The following SGK1 variants were observed in gnomAD, a reference collection of about 807,000 sequenced individuals.
The protein encoded by SGK1 is serine/threonine-protein kinase Sgk1.
A neutral mutation model predicts 64.2 loss-of-function variants in SGK1; 26 were observed. The observed-to-expected ratio is 0.40, with a 90% CI of 0.30 to 0.56. SGK1 has a LOEUF of 0.56. Ranked by LOEUF, SGK1 falls within the 20% of genes least tolerant of loss-of-function variation. The pLI is 0.38. For synonymous variants in SGK1, 265 were observed against 239.7 expected (o/e 1.11, Z -0.98); for missense variants, 519 against 645.6 (o/e 0.80, Z 2.12).
chr6:134,305,132 TG>T (rs1374786105), intron 1 of SGK1, among the ~76,000 whole-genome samples: 2 of 151,832 alleles, frequency 1.3e-5, no homozygotes, highest in Non-Finnish European at 2.9e-5. Flanking sequence ...CCAAGACGGG[TG>T]GCTCACCTGA....
chr6:134,281,522 T>TC, intron 1 of SGK1, among the ~76,000 whole-genome samples: 1 of 150,776 alleles, frequency 6.6e-6, no homozygotes, highest in Non-Finnish European at 1.5e-5. Flanking sequence ...ATTTGTTCTT[T>TC]TTTTTTTTTT....
chr6:134,316,375 A>G (rs1233814422), intron 1 of SGK1, among the ~76,000 whole-genome samples: 2 of 152,164 alleles, frequency 1.3e-5, no homozygotes, highest in Non-Finnish European at 2.9e-5. Flanking sequence ...GGAGAGAACC[A>G]TTTTGGTGGA....
chr6:134,170,207 A>AG lies in SGK1; in HGVS notation c.*60dup. 2 of 1,449,536 alleles carry AG rather than the reference A, an allele frequency of 1.4e-6. No individual in the cohort carries two copies. The highest frequency in any genetic ancestry group is 1.9e-6 in the Non-Finnish European group (2 of 1,062,068). 89.8% of individuals were successfully genotyped at this position (1,449,536 alleles called of 1,614,324 possible). On this transcript the variant is annotated 3_prime_UTR_variant, in exon 14 of 14. Transcript: ENST00000367858. ...CCTGTCAGCTGGCGGCTCCACCAAA[A>AG]GGCTAACTAAAACATTCGGAAACAC...
intron 2 of SGK1, among the ~76,000 whole-genome samples, chr6:134,249,075 C>T (rs559554829): frequency 4.4e-4 from 67 of 152,256 alleles, no homozygotes; most frequent in African/African-American, 1.5e-3. Flanking sequence ...CTGGAATCCT[C>T]GTCTTTTTTG....
Position 134,207,174 on chromosome 6 carries a change from T to C in SGK1, c.361+182A>G, listed in dbSNP as rs756375949. ...CTGGGAGGCGGAGCTTGCAGTGAGC[T>C]GAGATTGCGCCACTGCCCTCCAACC... is the stretch of plus-strand genomic sequence containing the variant. On this transcript the variant is annotated intron_variant, in intron 3 of 13. Transcript: ENST00000367858. Among the ~76,000 whole-genome samples, 65 of 151,758 alleles carry C rather than the reference T, an allele frequency of 4.3e-4. No homozygotes were observed. In the Middle Eastern group the frequency reaches 0.014, roughly 32 times the overall value.
intron 1 of SGK1, among the ~76,000 whole-genome samples, chr6:134,270,363 G>A (rs1480188954): frequency 1.4e-5 from 2 of 146,326 alleles, no homozygotes; most frequent in African/African-American, 4.9e-5. Flanking sequence ...AGCTTCTTAG[G>A]CCTTAGGAAA....
intron 6 of SGK1, 26 bp from the exon 7 acceptor site, chr6:134,173,383 T>A: frequency 1.2e-6 from 2 of 1,600,146 alleles, no homozygotes; most frequent in Admixed American, 1.7e-5. Flanking sequence ...AAAAAAATCA[T>A]TTTTCTATCC....
intron 1 of SGK1, among the ~76,000 whole-genome samples, chr6:134,278,805 T>C (rs1429081809): frequency 1.3e-5 from 2 of 151,880 alleles, no homozygotes; most frequent in East Asian, 3.9e-4. Context: ...TCAAAGATCC[T>C]ATGGAAATTG....
intron 2 of SGK1, among the ~76,000 whole-genome samples, chr6:134,212,026 C>T (rs1048327482): frequency 4.0e-5 from 6 of 150,036 alleles, no homozygotes; most frequent in Admixed American, 2.0e-4. Flanking sequence ...GTCCTTGAAA[C>T]TTTGGTTCCT....
At chr6:134,259,517 G>A (rs1222076538) in intron 2 of SGK1, among the ~76,000 whole-genome samples, 1 of 151,814 alleles carries the variant, frequency 6.6e-6, no homozygotes, top group Non-Finnish European at 1.5e-5. Context: ...GGTGTCAGAT[G>A]CCTGTAATCC....
intron 1 of SGK1, among the ~76,000 whole-genome samples, chr6:134,265,247 C>A (rs1385997328): frequency 6.6e-6 from 1 of 151,804 alleles, no homozygotes; most frequent in Non-Finnish European, 1.5e-5. Flanking sequence ...ATCACCTGAG[C>A]CCAGGAGTTC....
At chr6:134,299,211 A>C (rs1354442315) in intron 1 of SGK1, among the ~76,000 whole-genome samples, 3 of 151,986 alleles carry the variant, frequency 2.0e-5, no homozygotes, top group Admixed American at 6.6e-5. Flanking sequence ...ACAAAAAAAA[A>C]AAAAAAAGCC....
At chr6:134,174,978 C>T in intron 3 of SGK1, 2 of 1,294,262 alleles carry the variant, frequency 1.5e-6, no homozygotes, top group Non-Finnish European at 2.1e-6. Context: ...GCCCCGGCCG[C>T]CTCGCGGTTT....
chr6:134,175,854 G>A lies in SGK1; in HGVS notation c.362-1268C>T, dbSNP rs577114738. 35 of 1,232,352 alleles carry A rather than the reference G, an allele frequency of 2.8e-5. No homozygotes were observed. The African/African-American group carries it at 5.4e-4, about 19-fold the overall frequency. The allele number at this position is 1,232,352 out of a possible 1,614,324, so 76.3% of individuals were successfully genotyped here. On this transcript the variant is annotated intron_variant, in intron 3 of 13. Coordinates refer to ENST00000367858, the MANE Select transcript of SGK1 (RefSeq NM_001143676.3). Reference sequence around the variant, plus strand: ...GTGCTTTTGGCCAAAACCAAGCAAGGCTGAAAAATCCCAGAACTTGGAAGA... The same window carrying A: ...GTGCTTTTGGCCAAAACCAAGCAAGACTGAAAAATCCCAGAACTTGGAAGA...
rs183266662 is a variant in SGK1, at chr6:134,181,967, C to T, written c.362-7381G>A. On this transcript the variant is annotated intron_variant, in intron 3 of 13. Transcript: ENST00000367858. The stretch of plus-strand genomic sequence containing the variant: ...CCGCCTCCCAGGTTCAAGTGATTCT[C>T]ATGCCTCAGACTCTCAAGTAGCTGG... Among the ~76,000 whole-genome samples the T allele has an allele frequency of 2.0e-4, 31 of 152,176 alleles. 1 individual carries two copies. Among genetic ancestry groups the T allele is most frequent in the Admixed American group, 4.6e-4 (7 of 15,294 alleles).
chr6:134,171,198 A>C lies in SGK1; in HGVS notation c.1168-20T>G. 1 of 1,612,462 alleles carries C rather than the reference A, an allele frequency of 6.2e-7. No homozygotes were observed. Among genetic ancestry groups the C allele is most frequent in the Non-Finnish European group, 8.5e-7 (1 of 1,178,698 alleles). On this transcript the variant is annotated intron_variant, in intron 11 of 13. Transcript: ENST00000367858. ...AGGCGGCTGAAAGAAGGGGAAAATT[A>C]CTTTAGACTTAATTGGAAGTTTCAT... is the stretch of plus-strand genomic sequence containing the variant.
At chr6:134,235,283 G>A (rs1338099314) in intron 2 of SGK1, among the ~76,000 whole-genome samples, 1 of 152,174 alleles carries the variant, frequency 6.6e-6, no homozygotes, top group Non-Finnish European at 1.5e-5. Flanking sequence ...TGCTATGTAA[G>A]CTTTCACATC....
At chr6:134,304,458 C>T (rs563324607) in intron 1 of SGK1, among the ~76,000 whole-genome samples, 63 of 152,214 alleles carry the variant, frequency 4.1e-4, no homozygotes, top group African/African-American at 1.4e-3. Flanking sequence ...TTGAGACCAG[C>T]AAGGCCAACA....
chr6:134,273,390 A>G (rs1398877291), intron 1 of SGK1, among the ~76,000 whole-genome samples: 1 of 146,764 alleles, frequency 6.8e-6, no homozygotes, highest in African/African-American at 2.4e-5. Context: ...GGAGATCGAA[A>G]CCATCCCGGC....
Sources: allele counts gnomAD v4.1 joint callset (sites outside exome capture counted in the v4.1 genomes callset), GRCh38; gene constraint gnomAD v4.1.1; transcripts MANE v1.5; gene names NCBI Gene and HGNC (gene_info 2026-07-23, HGNC 2026-07-21).